CAMK4: variants seen among roughly 807,000 people sequenced by gnomAD.
CAMK4 encodes the protein calcium/calmodulin-dependent protein kinase type IV.
Under a neutral mutation model 44.9 loss-of-function variants are expected in CAMK4, and 22 were observed. The ratio of observed to expected loss-of-function variants is 0.49; its 90% CI spans 0.35 to 0.70. CAMK4 has a LOEUF of 0.70. Among genes scored for constraint, CAMK4 ranks in the 30% least tolerant of loss-of-function variants. The probability of loss-of-function intolerance (pLI) is 0.01; values close to 1 mark genes in which losing one functional copy is unlikely to be tolerated. For missense variants in CAMK4, 498 were observed against 586.8 expected, an observed-to-expected ratio of 0.85 and a Z score of 1.56; for synonymous variants, 218 against 215.4, an observed-to-expected ratio of 1.01 and a Z score of -0.11.
At chr5:111,463,814 T>A (rs1352213718) in intron 7 of CAMK4, among the ~76,000 whole-genome samples, 1 of 151,948 alleles carries the variant, frequency 6.6e-6, no homozygotes, top group African/African-American at 2.4e-5. Flanking sequence ...ATCAAGGGAG[T>A]ATAGTGTGGG....
At chr5:111,462,419 C>T (rs1754676184) in intron 7 of CAMK4, among the ~76,000 whole-genome samples, 1 of 152,326 alleles carries the variant, frequency 6.6e-6, no homozygotes, top group Middle Eastern at 3.4e-3. Context: ...TTAACCTGCT[C>T]ATTATTCCCC....
At chr5:111,380,633 TGTTA>T (rs946170312) in intron 4 of CAMK4, among the ~76,000 whole-genome samples, 1 of 152,186 alleles carries the variant, frequency 6.6e-6, no homozygotes, top group Non-Finnish European at 1.5e-5. Context: ...TCTGTTCTTG[TGTTA>T]GTTTGCTAAG....
intron 1 of CAMK4, among the ~76,000 whole-genome samples, chr5:111,330,474 TTTTTTTGTTGTTGTTGTTGTTTGG>T (rs1417277252): frequency 1.5e-5 from 2 of 136,838 alleles, no homozygotes; most frequent in Non-Finnish European, 3.1e-5. Context: ...TTTGTTTTTC[TTTTTTTGTTGTTGTTGTTGTTTGG>T]TTTTTTGTTG....
Position 111,294,721 on chromosome 5 carries a change from C to A in CAMK4, c.162-49303C>A, listed in dbSNP as rs184146117. On this transcript the variant is annotated intron_variant, in intron 1 of 10. Transcript: ENST00000282356. ...TCCAGTGGGAACTCAGAAGCACATG[C>A]ATCTGAGTGATACTGTACCAGAAGT... Among the ~76,000 whole-genome samples the A allele has an allele frequency of 3.2e-3, 492 of 151,484 alleles. 5 individuals are homozygous for A. Among genetic ancestry groups the A allele is most frequent in the Non-Finnish European group, 2.7e-3 (182 of 67,924 alleles).
chr5:111,230,812 T>C (rs908437083), intron 1 of CAMK4, among the ~76,000 whole-genome samples: 5 of 151,964 alleles, frequency 3.3e-5, no homozygotes, highest in Non-Finnish European at 7.4e-5. Flanking sequence ...CTTTTTTTCC[T>C]CTTTTTTTTT....
chr5:111,276,538 A>C (rs1181059897), intron 1 of CAMK4, among the ~76,000 whole-genome samples: 1 of 152,222 alleles, frequency 6.6e-6, no homozygotes, highest in African/African-American at 2.4e-5. Flanking sequence ...GTTCAGCCTG[A>C]GCAACATAAC....
intron 1 of CAMK4, among the ~76,000 whole-genome samples, chr5:111,227,728 G>A (rs906671387): frequency 3.9e-5 from 6 of 152,208 alleles, no homozygotes; most frequent in African/African-American, 1.4e-4. Context: ...TTGGCAGGGA[G>A]GGCATAGAGT....
chr5:111,492,949 G>C lies in CAMK4; in HGVS notation c.*8483G>C, dbSNP rs1755908015. On this transcript the variant is annotated 3_prime_UTR_variant, in exon 11 of 11. Transcript: ENST00000282356. ...CTTTATGGAAACACAGGCTGTATGT[G>C]AAAGATGGGTGAATCTTTGCAGGTA... 3 of 152,248 alleles carry C rather than the reference G, an allele frequency of 2.0e-5. No homozygotes were observed. In the South Asian group the frequency reaches 6.2e-4, roughly 32 times the overall value. 9.4% of individuals were successfully genotyped at this position (152,248 alleles called of 1,614,324 possible). A position where few individuals can be genotyped will look rare whatever the true frequency, so the allele number is the denominator to read the frequency against.
intron 5 of CAMK4, among the ~76,000 whole-genome samples, chr5:111,403,251 T>A (rs1449192919): frequency 3.9e-5 from 6 of 152,232 alleles, no homozygotes; most frequent in Non-Finnish European, 7.3e-5. Flanking sequence ...TTTTGACACT[T>A]GTTTTTTGTT....
chr5:111,276,260 C>T (rs969918985), intron 1 of CAMK4, among the ~76,000 whole-genome samples: 1 of 152,140 alleles, frequency 6.6e-6, no homozygotes, highest in East Asian at 1.9e-4. Flanking sequence ...TTTAAACTCT[C>T]TTTTCTCCCC....
chr5:111,230,477 G>T (rs10057913), intron 1 of CAMK4, among the ~76,000 whole-genome samples: 1 of 151,888 alleles, frequency 6.6e-6, no homozygotes, highest in Non-Finnish European at 1.5e-5. Context: ...TCAAGTGAAG[G>T]CTACGATAAC....
At chr5:111,227,289 G>C (rs1748237351) in intron 1 of CAMK4, among the ~76,000 whole-genome samples, 1 of 152,196 alleles carries the variant, frequency 6.6e-6, no homozygotes. Flanking sequence ...CTACACTAGA[G>C]ATCAAGTTGA....
intron 5 of CAMK4, among the ~76,000 whole-genome samples, chr5:111,412,220 C>T (rs1455278961): frequency 1.3e-5 from 2 of 152,116 alleles, no homozygotes; most frequent in East Asian, 3.9e-4. Flanking sequence ...ATAAGAAAGT[C>T]GATAGTAGAT....
intron 2 of CAMK4, among the ~76,000 whole-genome samples, chr5:111,364,146 G>C (rs1010185380): frequency 6.6e-6 from 1 of 151,918 alleles, no homozygotes; most frequent in South Asian, 2.1e-4. Flanking sequence ...GCAGAGATAT[G>C]CTTTGGAAGT....
intron 5 of CAMK4, among the ~76,000 whole-genome samples, chr5:111,421,069 A>G (rs557971275): frequency 9.6e-4 from 147 of 152,364 alleles, no homozygotes; most frequent in African/African-American, 3.3e-3. Context: ...TAGAGATTGC[A>G]GTAAAGACAG....
At chr5:111,340,385 A>G (rs549480737) in intron 1 of CAMK4, among the ~76,000 whole-genome samples, 1 of 151,464 alleles carries the variant, frequency 6.6e-6, no homozygotes, top group Admixed American at 6.6e-5. Context: ...GTGTTGAGGT[A>G]CATTCTTTCT....
Position 111,449,139 on chromosome 5 carries a change from ACT to A in CAMK4, c.566_567del (p.Ser189Ter). On this transcript the variant is annotated frameshift_variant, in exon 7 of 11. Coordinates refer to ENST00000282356, the MANE Select transcript of CAMK4 (RefSeq NM_001744.6). LOFTEE classifies it high-confidence loss of function. Reference sequence around the variant, plus strand: ...TTCTTGTGTTATTAGCTGATTTTGGACTCTCTAAAATTGTGGAACATCAAGTG... The same window carrying A: ...TTCTTGTGTTATTAGCTGATTTTGGACTCTAAAATTGTGGAACATCAAGTG... ...DAPLKIADFG[L>X]SKIVEHQVLM... 6.5e-7 allele frequency: 1 copy of A among 1,539,452 alleles called. No individual in the cohort carries two copies. The highest frequency in any genetic ancestry group is 9.0e-7 in the Non-Finnish European group (1 of 1,116,304).
chr5:111,283,870 T>C (rs1751124227), intron 1 of CAMK4, among the ~76,000 whole-genome samples: 1 of 152,220 alleles, frequency 6.6e-6, no homozygotes, highest in Non-Finnish European at 1.5e-5. Flanking sequence ...GTAACATATT[T>C]TAATGATCTA....
At chr5:111,459,511 A>G (rs1754557562) in intron 7 of CAMK4, among the ~76,000 whole-genome samples, 1 of 152,028 alleles carries the variant, frequency 6.6e-6, no homozygotes, top group Non-Finnish European at 1.5e-5. Context: ...ATCACCAAAA[A>G]CTGCCTATAT....
Sources: allele counts gnomAD v4.1 joint callset (sites outside exome capture counted in the v4.1 genomes callset), GRCh38; gene constraint gnomAD v4.1.1; transcripts MANE v1.5; gene names NCBI Gene and HGNC (gene_info 2026-07-23, HGNC 2026-07-21).